The following CNTN4 variants were observed in gnomAD, a reference collection of about 807,000 sequenced individuals.
CNTN4 encodes contactin-4.
Under a neutral mutation model 122.5 loss-of-function variants are expected in CNTN4, and 77 were observed. The observed-to-expected ratio is 0.63, with a 90% CI of 0.52 to 0.76. The LOEUF (loss-of-function observed/expected upper bound fraction) is 0.76. Among genes scored for constraint, CNTN4 ranks in the 30% least tolerant of loss-of-function variants. The pLI is 0.00. For synonymous variants in CNTN4, 512 were observed against 447.0 expected, an observed-to-expected ratio of 1.15 and a Z score of -1.83; for missense variants, 1,256 against 1,259.1, an observed-to-expected ratio of 1.00 and a Z score of 0.04.
intron 3 of CNTN4, among the ~76,000 whole-genome samples, chr3:2,557,707 CAACACT>C (rs1334990072): frequency 2.7e-5 from 4 of 145,858 alleles, no homozygotes; most frequent in Admixed American, 1.4e-4. Flanking sequence ...CCAGCCTGGG[CAACACT>C]GCACTCCAGC....
chr3:2,410,162 C>G (rs1430025610), intron 3 of CNTN4, among the ~76,000 whole-genome samples: 1 of 152,168 alleles, frequency 6.6e-6, no homozygotes, highest in Non-Finnish European at 1.5e-5. Context: ...TCATATTCTT[C>G]TTGATAAAGT....
intron 6 of CNTN4, among the ~76,000 whole-genome samples, chr3:2,803,828 T>G (rs72995330): frequency 0.051 from 7,709 of 152,094 alleles, 274 homozygotes; most frequent in Non-Finnish European, 0.077. Context: ...CCCAAAGTAC[T>G]GGGATTACAG....
chr3:2,429,910 C>T (rs1217589471), intron 3 of CNTN4, among the ~76,000 whole-genome samples: 1 of 152,138 alleles, frequency 6.6e-6, no homozygotes, highest in Non-Finnish European at 1.5e-5. Context: ...TTGCTAAAAC[C>T]ATTGGAAAAG....
intron 3 of CNTN4, among the ~76,000 whole-genome samples, chr3:2,557,135 G>A (rs1011967546): frequency 2.0e-5 from 3 of 151,676 alleles, no homozygotes; most frequent in African/African-American, 4.8e-5. Context: ...GATTTTTTTT[G>A]CAGATGATTC....
At chr3:2,692,028 ATTG>A (rs2085767318) in intron 4 of CNTN4, among the ~76,000 whole-genome samples, 1 of 152,156 alleles carries the variant, frequency 6.6e-6, no homozygotes, top group Non-Finnish European at 1.5e-5. Flanking sequence ...CGTCCTTGTT[ATTG>A]TTAGGCAGCA....
At chr3:2,994,921 T>C (rs1263824039) in intron 14 of CNTN4, among the ~76,000 whole-genome samples, 1 of 152,170 alleles carries the variant, frequency 6.6e-6, no homozygotes, top group African/African-American at 2.4e-5. Context: ...CTTTTAACAT[T>C]GGTCCCTTAT....
intron 3 of CNTN4, among the ~76,000 whole-genome samples, chr3:2,464,931 A>G (rs1352154074): frequency 6.6e-6 from 1 of 152,136 alleles, no homozygotes; most frequent in Admixed American, 6.5e-5. Flanking sequence ...TGGATTCTGG[A>G]ACAGGTTGGG....
chr3:2,920,475 A>G (rs574766993), intron 12 of CNTN4, among the ~76,000 whole-genome samples: 4 of 151,876 alleles, frequency 2.6e-5, no homozygotes, highest in Admixed American at 2.0e-4. Context: ...CTGTATCTAC[A>G]TAAGATGTAA....
chr3:2,231,023 A>C (rs766242313), intron 2 of CNTN4, among the ~76,000 whole-genome samples: 3 of 152,180 alleles, frequency 2.0e-5, no homozygotes, highest in Non-Finnish European at 4.4e-5. Context: ...ATATGATGTG[A>C]ATCAAAAATA....
At chr3:2,996,955 T>A (rs1247316417) in intron 14 of CNTN4, among the ~76,000 whole-genome samples, 1 of 152,192 alleles carries the variant, frequency 6.6e-6, no homozygotes, top group Non-Finnish European at 1.5e-5. Flanking sequence ...TAAATAAAAA[T>A]CTATCTTTTT....
chr3:2,716,378 T>C (rs368815290), intron 4 of CNTN4, among the ~76,000 whole-genome samples: 7 of 151,726 alleles, frequency 4.6e-5, no homozygotes, highest in Admixed American at 2.0e-4. Flanking sequence ...ACAAGATTGT[T>C]TTAAGGATTA....
At chr3:3,044,640 T>C (rs1700457826) in intron 23 of CNTN4, among the ~76,000 whole-genome samples, 1 of 152,206 alleles carries the variant, frequency 6.6e-6, no homozygotes, top group African/African-American at 2.4e-5. Flanking sequence ...AGTTCCAAGA[T>C]GGCCAAATAG....
intron 2 of CNTN4, among the ~76,000 whole-genome samples, chr3:2,324,616 C>G (rs2043389774): frequency 6.6e-6 from 1 of 152,270 alleles, no homozygotes; most frequent in South Asian, 2.1e-4. Context: ...TTCCCTCCAT[C>G]TATAGCCAGG....
chr3:2,758,629 C>G (rs1250052184), intron 6 of CNTN4, among the ~76,000 whole-genome samples: 2 of 150,560 alleles, frequency 1.3e-5, no homozygotes, highest in Non-Finnish European at 1.5e-5. Context: ...ACCTCAGCTT[C>G]CTGAGTAGCT....
At chr3:2,356,411 AC>A (rs1186108834) in intron 3 of CNTN4, among the ~76,000 whole-genome samples, 1 of 152,118 alleles carries the variant, frequency 6.6e-6, no homozygotes, top group Non-Finnish European at 1.5e-5. Flanking sequence ...CCCTTTTTAG[AC>A]CGTATAGGGT....
intron 14 of CNTN4, among the ~76,000 whole-genome samples, chr3:2,999,296 A>C (rs566233552): frequency 6.6e-6 from 1 of 152,346 alleles, no homozygotes; most frequent in Admixed American, 6.5e-5. Context: ...CAGCAAAACA[A>C]AACAAAAAGA....
At chr3:3,009,983 A>C (rs1254682139) in intron 14 of CNTN4, among the ~76,000 whole-genome samples, 1 of 150,946 alleles carries the variant, frequency 6.6e-6, no homozygotes, top group Non-Finnish European at 1.5e-5. Context: ...TCTAGTACCT[A>C]GTCTCATTTG....
intron 6 of CNTN4, among the ~76,000 whole-genome samples, chr3:2,770,031 GTTT>G (rs1559484082): frequency 9.3e-4 from 129 of 138,928 alleles, no homozygotes; most frequent in African/African-American, 3.5e-3. Context: ...TTGTTTGTTT[GTTT>G]GTTTTTTTTT....
At chr3:2,536,647 C>A (rs866453735) in intron 3 of CNTN4, among the ~76,000 whole-genome samples, 1 of 149,106 alleles carries the variant, frequency 6.7e-6, no homozygotes, top group African/African-American at 2.5e-5. Flanking sequence ...TGGTCTTGAA[C>A]TCCTGGCTTC....
Sources: allele counts gnomAD v4.1 joint callset (sites outside exome capture counted in the v4.1 genomes callset), GRCh38; gene constraint gnomAD v4.1.1; transcripts MANE v1.5; gene names NCBI Gene and HGNC (gene_info 2026-07-23, HGNC 2026-07-21).